The following TECRL variants were observed in gnomAD, a reference collection of about 807,000 sequenced individuals.
TECRL encodes trans-2,3-enoyl-CoA reductase-like.
In TECRL, 63 loss-of-function variants were observed where a neutral mutation model predicts 52.8. That is an observed-to-expected ratio of 1.19 (90% CI 0.97 to 1.47). The LOEUF is 1.47. TECRL is among the 40% of genes most tolerant of loss of function. TECRL has a pLI of 0.00. For missense variants in TECRL, 482 were observed against 429.6 expected (o/e 1.12, Z -1.08); for synonymous variants, 164 against 141.9 (o/e 1.16, Z -1.10).
chr4:64,280,120 G>T lies in TECRL; in HGVS notation c.1044C>A (p.Phe348Leu). ...CTGATTTTCTATGAATATATGAATT[G>T]AATTTTCTCAGATAAATCTTATGTT... ...QKKHKIYLRKFNSYIHRKSAM... is the reference protein window; with the variant it reads ...QKKHKIYLRKLNSYIHRKSAM... Residue 348 changes from phenylalanine (F) to leucine (L), a missense_variant, in exon 12 of 12, where the codon TTC (phenylalanine) becomes TTA (leucine). Coordinates refer to ENST00000381210, the MANE Select transcript of TECRL (RefSeq NM_001010874.5). 6.2e-7 allele frequency: 1 copy of T among 1,603,044 alleles called. No homozygotes were observed. Among genetic ancestry groups the T allele is most frequent in the South Asian group, 1.1e-5 (1 of 88,864 alleles).
At chr4:64,341,901 G>A (rs1438053087) in intron 2 of TECRL, among the ~76,000 whole-genome samples, 1 of 152,180 alleles carries the variant, frequency 6.6e-6, no homozygotes, top group Non-Finnish European at 1.5e-5. Flanking sequence ...GAGCCAGCAT[G>A]TCTGACTGTG....
intron 2 of TECRL, among the ~76,000 whole-genome samples, chr4:64,342,840 G>A (rs933666565): frequency 6.6e-6 from 1 of 152,022 alleles, no homozygotes; most frequent in African/African-American, 2.4e-5. Flanking sequence ...TTGGTCTTTT[G>A]TATAGGTGGA....
rs180819116 is a variant in TECRL at position 64,290,898 on chromosome 4, C to T, written c.775-1131G>A. Reference sequence around the variant, plus strand: ...GTATTTAAAGATCCAGAAAACAATACAAATACAAATTTTGTACCAACATAA... The same window carrying T: ...GTATTTAAAGATCCAGAAAACAATATAAATACAAATTTTGTACCAACATAA... On this transcript the variant is annotated intron_variant, in intron 8 of 11. Coordinates refer to ENST00000381210, the MANE Select transcript of TECRL (RefSeq NM_001010874.5). Among the ~76,000 whole-genome samples, 127 of 152,120 alleles carry T rather than the reference C, an allele frequency of 8.3e-4. 1 individual carries two copies. Among genetic ancestry groups the T allele is most frequent in the African/African-American group, 2.8e-3 (115 of 41,532 alleles).
At chr4:64,392,209 T>C (rs1723594696) in intron 1 of TECRL, among the ~76,000 whole-genome samples, 1 of 151,916 alleles carries the variant, frequency 6.6e-6, no homozygotes, top group Admixed American at 6.6e-5. Context: ...TGGTGATAAA[T>C]GTATGCATTC....
rs576544744 is a variant in TECRL at position 64,376,462 on chromosome 4, G to C, written c.235-1239C>G. ...AAAATTTAAAAACAGTTTATATAGAGAGTAATATATATTTATATACTTGTG... is the reference window on the plus strand; with the variant it reads ...AAAATTTAAAAACAGTTTATATAGACAGTAATATATATTTATATACTTGTG... On this transcript the variant is annotated intron_variant, in intron 1 of 11. Coordinates refer to ENST00000381210, the MANE Select transcript of TECRL (RefSeq NM_001010874.5). 5.3e-5 allele frequency among the ~76,000 whole-genome samples: 8 copies of C among 151,906 alleles called. No individual in the cohort carries two copies. In the South Asian group the frequency reaches 6.2e-4, roughly 12 times the overall value.
At chr4:64,348,428 G>T (rs1008342195) in intron 2 of TECRL, among the ~76,000 whole-genome samples, 1 of 152,118 alleles carries the variant, frequency 6.6e-6, no homozygotes, top group Non-Finnish European at 1.5e-5. Context: ...GATTTGTGTG[G>T]GTACACAGAG....
At chr4:64,326,461 T>C (rs1180560996) in intron 3 of TECRL, among the ~76,000 whole-genome samples, 1 of 152,116 alleles carries the variant, frequency 6.6e-6, no homozygotes, top group African/African-American at 2.4e-5. Context: ...TTCCCACCCC[T>C]TGAATATGGG....
chr4:64,382,408 G>A (rs1722883693), intron 1 of TECRL, among the ~76,000 whole-genome samples: 1 of 149,266 alleles, frequency 6.7e-6, no homozygotes. Flanking sequence ...TTTGTTGTTA[G>A]TGTATATATA....
chr4:64,350,505 T>G (rs1720308655), intron 2 of TECRL, among the ~76,000 whole-genome samples: 1 of 152,178 alleles, frequency 6.6e-6, no homozygotes, highest in Admixed American at 6.5e-5. Flanking sequence ...TGAATGAGAT[T>G]AACATTTTAT....
At chr4:64,313,869 C>T (rs1176859488) in intron 5 of TECRL, among the ~76,000 whole-genome samples, 3 of 148,328 alleles carry the variant, frequency 2.0e-5, no homozygotes, top group Non-Finnish European at 4.5e-5. Context: ...CGTGGTGGCT[C>T]ATGCCTGTAA....
chr4:64,375,937 CAA>C (rs962029168), intron 1 of TECRL, among the ~76,000 whole-genome samples: 1 of 151,644 alleles, frequency 6.6e-6, no homozygotes, highest in Admixed American at 6.6e-5. Context: ...GAATTTGTCT[CAA>C]AAGACATTTT....
intron 2 of TECRL, among the ~76,000 whole-genome samples, chr4:64,340,457 A>G (rs1719482618): frequency 6.6e-6 from 1 of 152,256 alleles, no homozygotes; most frequent in African/African-American, 2.4e-5. Context: ...CCAATTTCAG[A>G]GCAAAGTTGG....
In TECRL at chr4:64,279,965, T is replaced by C; in HGVS notation, c.*107A>G. On this transcript the variant is annotated 3_prime_UTR_variant, in exon 12 of 12. Coordinates refer to ENST00000381210, the MANE Select transcript of TECRL (RefSeq NM_001010874.5). ...ATTTTATATTTTTACTCAGTGTATA[T>C]ACTGTTGCTCATGAATTGTTGGAGT... The C allele has an allele frequency of 7.0e-7, 1 of 1,438,800 alleles. No individual in the cohort carries two copies. 89.1% of individuals were successfully genotyped at this position (1,438,800 alleles called of 1,614,324 possible). A position where few individuals can be genotyped will look rare whatever the true frequency, so the allele number is the denominator to read the frequency against.
chr4:64,349,516 T>A (rs1720233631), intron 2 of TECRL, among the ~76,000 whole-genome samples: 1 of 152,132 alleles, frequency 6.6e-6, no homozygotes, highest in East Asian at 1.9e-4. Context: ...TTACCCTGAG[T>A]GAAAATCCAA....
At chr4:64,383,055 A>G (rs1455033497) in intron 1 of TECRL, among the ~76,000 whole-genome samples, 5 of 152,152 alleles carry the variant, frequency 3.3e-5, no homozygotes, top group Non-Finnish European at 7.4e-5. Flanking sequence ...ACTTTGCTAC[A>G]TATGGTATTC....
intron 2 of TECRL, among the ~76,000 whole-genome samples, chr4:64,374,079 A>ATT (rs1553919071): frequency 1.4e-4 from 14 of 96,792 alleles, no homozygotes; most frequent in Admixed American, 3.2e-4. Context: ...ATATATATAT[A>ATT]TATTTATCTT....
intron 1 of TECRL, among the ~76,000 whole-genome samples, chr4:64,376,392 T>C (rs1722398754): frequency 6.6e-6 from 1 of 151,902 alleles, no homozygotes; most frequent in South Asian, 2.1e-4. Flanking sequence ...TATATAAAGT[T>C]ATAAATATTT....
chr4:64,340,379 C>T (rs536844173), intron 2 of TECRL, among the ~76,000 whole-genome samples: 13 of 152,322 alleles, frequency 8.5e-5, no homozygotes, highest in Admixed American at 1.3e-4. Flanking sequence ...AGGGAGGCCC[C>T]GCTGCCTTCA....
At chr4:64,284,622 A>C (rs1168888263) in intron 9 of TECRL, among the ~76,000 whole-genome samples, 1 of 152,106 alleles carries the variant, frequency 6.6e-6, no homozygotes, top group Non-Finnish European at 1.5e-5. Flanking sequence ...AAATCAAGGC[A>C]GTTCCAATTA....
Sources: allele counts gnomAD v4.1 joint callset (sites outside exome capture counted in the v4.1 genomes callset), GRCh38; gene constraint gnomAD v4.1.1; transcripts MANE v1.5; gene names NCBI Gene and HGNC (gene_info 2026-07-23, HGNC 2026-07-21).